Variants in SLC4A4 observed in about 807,000 individuals in gnomAD.
SLC4A4 encodes solute carrier family 4 member 4.
Under a neutral mutation model 111.5 loss-of-function variants are expected in SLC4A4, and 27 were observed. That is an observed-to-expected ratio of 0.24 (90% CI 0.18 to 0.33). SLC4A4 has a LOEUF of 0.33. Ranked by LOEUF, SLC4A4 falls within the 10% of genes least tolerant of loss-of-function variation. The pLI is 1.00. For synonymous variants in SLC4A4, 443 were observed against 463.4 expected, an observed-to-expected ratio of 0.96 and a Z score of 0.57; for missense variants, 909 against 1,315.5, an observed-to-expected ratio of 0.69 and a Z score of 4.78.
At chr4:71,423,616 C>A (rs1278874693) in intron 7 of SLC4A4, among the ~76,000 whole-genome samples, 1 of 152,242 alleles carries the variant, frequency 6.6e-6, no homozygotes, top group South Asian at 2.1e-4. Flanking sequence ...GTAACCAAAA[C>A]AGCATGGTAC....
In SLC4A4 at chr4:71,339,476, G is replaced by A. The variant is rs940989733; in HGVS notation, c.360G>A (p.Gly120=). The A allele has an allele frequency of 2.5e-6, 4 of 1,613,890 alleles. No homozygotes were observed. The highest frequency in any genetic ancestry group is 3.3e-5 in the Admixed American group (2 of 60,016). ...TGGATGAGCTGCTGGCCGTGGATGG[G>A]CAGGAGATGGAGTGGAAGGAAACAG... is the stretch of plus-strand genomic sequence containing the variant. ...TELDELLAVD[G]QEMEWKETAR... Residue 120 remains glycine, a synonymous_variant, in exon 4 of 26, where the codon GGG becomes GGA. Transcript: ENST00000264485.
intron 13 of SLC4A4, among the ~76,000 whole-genome samples, chr4:71,470,024 A>G (rs942333478): frequency 2.6e-5 from 4 of 152,004 alleles, no homozygotes; most frequent in African/African-American, 9.7e-5. Flanking sequence ...TTGCTCTTTC[A>G]TCTTCTTGCT....
Position 71,252,958 on chromosome 4 carries a change from A to G in SLC4A4, c.74-2262A>G, listed in dbSNP as rs138712196. On this transcript the variant is annotated intron_variant, in intron 2 of 25. Coordinates refer to ENST00000264485, the MANE Select transcript of SLC4A4 (RefSeq NM_001098484.3). ...TAAAATTTGGCATGTCTTGAGAGGA[A>G]CAACATTTCTGCTTGACCTCTGGGC... is the stretch of plus-strand genomic sequence containing the variant. Among the ~76,000 whole-genome samples, 114 of 152,274 alleles carry G rather than the reference A, an allele frequency of 7.5e-4. 1 individual carries two copies. Among genetic ancestry groups the G allele is most frequent in the African/African-American group, 2.7e-3 (111 of 41,562 alleles).
chr4:71,319,179 C>T (rs1726932320), intron 3 of SLC4A4, among the ~76,000 whole-genome samples: 2 of 151,984 alleles, frequency 1.3e-5, no homozygotes, highest in Non-Finnish European at 1.5e-5. Context: ...GTAAGTTACC[C>T]TTGTGCATAG....
chr4:71,561,354 A>G (rs1277884294), intron 23 of SLC4A4, among the ~76,000 whole-genome samples: 2 of 151,848 alleles, frequency 1.3e-5, no homozygotes, highest in Non-Finnish European at 2.9e-5. Context: ...ATAAAATTGT[A>G]TATATGTAAG....
At chr4:71,335,652 C>T (rs978437602) in intron 3 of SLC4A4, among the ~76,000 whole-genome samples, 2 of 152,004 alleles carry the variant, frequency 1.3e-5, no homozygotes, top group South Asian at 2.1e-4. Flanking sequence ...GGTGAAACCC[C>T]GTCTCTACTA....
At chr4:71,517,819 C>T (rs1732546886) in intron 16 of SLC4A4, among the ~76,000 whole-genome samples, 1 of 152,168 alleles carries the variant, frequency 6.6e-6, no homozygotes, top group African/African-American at 2.4e-5. Flanking sequence ...TGTTGTGTTC[C>T]ACAGGCAGGC....
chr4:71,566,149 G>A (rs542028999), intron 24 of SLC4A4, among the ~76,000 whole-genome samples: 2 of 151,938 alleles, frequency 1.3e-5, no homozygotes, highest in African/African-American at 4.8e-5. Context: ...CTTACCTTTG[G>A]TGTCCAGTTT....
intron 1 of SLC4A4, among the ~76,000 whole-genome samples, chr4:71,070,508 A>C (rs548592928): frequency 8.7e-4 from 132 of 152,304 alleles, no homozygotes; most frequent in African/African-American, 3.1e-3. Flanking sequence ...GTCTCCAGGT[A>C]ATAGGGAAAT....
At chr4:71,453,351 G>A (rs1725939185) in intron 11 of SLC4A4, 144 bp from the exon 12 acceptor site, 2 of 835,160 alleles carry the variant, frequency 2.4e-6, no homozygotes, top group Non-Finnish European at 3.9e-6. Flanking sequence ...TAGTTTTCTG[G>A]TTTCATCGTA....
chr4:71,151,489 C>T (rs1397738255), intron 2 of SLC4A4, among the ~76,000 whole-genome samples: 2 of 152,074 alleles, frequency 1.3e-5, no homozygotes, highest in African/African-American at 2.4e-5. Flanking sequence ...CCTTTAATGA[C>T]ATTTAATGTC....
chr4:71,143,755 T>C (rs868513292), intron 2 of SLC4A4, among the ~76,000 whole-genome samples: 1 of 152,262 alleles, frequency 6.6e-6, no homozygotes, highest in Non-Finnish European at 1.5e-5. Context: ...TTTTGAGAAG[T>C]GTCTGTTCAT....
chr4:71,269,426 G>A (rs1236103294), intron 3 of SLC4A4, among the ~76,000 whole-genome samples: 1 of 152,172 alleles, frequency 6.6e-6, no homozygotes. Flanking sequence ...GATTCTGAAC[G>A]GGCTTTTCCC....
rs548442711 is a variant in SLC4A4, at chr4:71,566,449, C to T, written c.3197-555C>T. On this transcript the variant is annotated intron_variant, in intron 24 of 25. Coordinates refer to ENST00000264485, the MANE Select transcript of SLC4A4 (RefSeq NM_001098484.3). Reference sequence around the variant, plus strand: ...GGAAAAAGTTTATGTGCCATTTGCCCTTCATCCTCTCAAAACCCCTTTTAA... The same window carrying T: ...GGAAAAAGTTTATGTGCCATTTGCCTTTCATCCTCTCAAAACCCCTTTTAA... Among the ~76,000 whole-genome samples, 3 of 151,688 alleles carry T rather than the reference C, an allele frequency of 2.0e-5. No individual in the cohort carries two copies. In the South Asian group the frequency reaches 6.2e-4, roughly 31 times the overall value.
chr4:71,408,606 A>G (rs550125245), intron 7 of SLC4A4, among the ~76,000 whole-genome samples: 14 of 152,336 alleles, frequency 9.2e-5, no homozygotes, highest in East Asian at 7.7e-4. Context: ...AAAGAAATGT[A>G]TGTCCGATTG....
At chr4:71,206,370 C>T (rs1455953775) in intron 1 of SLC4A4, among the ~76,000 whole-genome samples, 1 of 152,094 alleles carries the variant, frequency 6.6e-6, no homozygotes, top group Admixed American at 6.5e-5. Context: ...ATTCATATAT[C>T]CATTTTATTT....
intron 1 of SLC4A4, chr4:71,235,921 T>A (rs1263468953): frequency 3.3e-6 from 1 of 300,422 alleles, no homozygotes. Flanking sequence ...TGTATCTGTG[T>A]GTATTGTCGA....
At chr4:71,519,621 T>G (rs752436751) in intron 16 of SLC4A4, among the ~76,000 whole-genome samples, 4 of 149,974 alleles carry the variant, frequency 2.7e-5, no homozygotes, top group Non-Finnish European at 5.9e-5. Context: ...TACATATGCA[T>G]ACATAAATGA....
At chr4:71,485,958 T>C (rs1729358877) in intron 14 of SLC4A4, among the ~76,000 whole-genome samples, 1 of 151,480 alleles carries the variant, frequency 6.6e-6, no homozygotes, top group Admixed American at 6.6e-5. Flanking sequence ...TCAAAACCTG[T>C]GTGTTTCTTC....
Sources: gnomAD v4.1 joint callset for allele counts (sites outside exome capture counted in the v4.1 genomes callset) on GRCh38, gnomAD v4.1.1 for gene constraint, MANE v1.5 for transcripts, NCBI Gene and HGNC (gene_info 2026-07-23, HGNC 2026-07-21) for gene names.